The following INF2 variants were observed in gnomAD, a reference collection of about 807,000 sequenced individuals.
INF2 encodes inverted formin 2.
A neutral mutation model predicts 123.5 loss-of-function variants in INF2; 43 were observed. The ratio of observed to expected loss-of-function variants is 0.35; its 90% CI spans 0.27 to 0.45. The LOEUF is 0.45. INF2 is among the 20% of genes least tolerant of loss of function. INF2 has a pLI of 1.00. For missense variants in INF2, 1,453 were observed against 1,682.7 expected (o/e 0.86, Z 2.39); for synonymous variants, 851 against 745.0 (o/e 1.14, Z -2.32).
At chr14:104,702,979 C>T (rs1889599317) in intron 2 of INF2, 126 bp from the exon 3 acceptor site, 1 of 771,106 alleles carries the variant, frequency 1.3e-6, no homozygotes. Flanking sequence ...CTGTGGGCCA[C>T]AGACAAGTGC....
chr14:104,696,581 G>A (rs551595831), intron 1 of INF2, among the ~76,000 whole-genome samples: 1 of 152,342 alleles, frequency 6.6e-6, no homozygotes, highest in Non-Finnish European at 1.5e-5. Flanking sequence ...GAGTGTGAGG[G>A]AGGGGAATGG....
At chr14:104,698,873 C>T (rs1483887605) in intron 1 of INF2, among the ~76,000 whole-genome samples, 1 of 152,206 alleles carries the variant, frequency 6.6e-6, no homozygotes, top group African/African-American at 2.4e-5. Flanking sequence ...ACTCACTGCC[C>T]CCAGACAGCA....
At chr14:104,711,580 G>T in intron 15 of INF2, 49 bp from the exon 16 acceptor site, 2 of 1,530,428 alleles carry the variant, frequency 1.3e-6, no homozygotes. Context: ...GTCATCCCCA[G>T]GTGGAGAGTA....
intron 13 of INF2, chr14:104,710,582 AC>A (rs374329442): frequency 6.1e-5 from 30 of 489,112 alleles, no homozygotes; most frequent in African/African-American, 9.7e-5. Flanking sequence ...ACACGTACAC[AC>A]CCCCCCAACA....
At chr14:104,711,872 C>T (rs552084430) in intron 16 of INF2, among the ~76,000 whole-genome samples, 173 bp downstream of exon 16, 3 of 152,286 alleles carry the variant, frequency 2.0e-5, no homozygotes, top group Admixed American at 6.5e-5. Context: ...CCGGGTCTGC[C>T]GTGGCCTATC....
chr14:104,689,587 T>TGCGA, upstream of INF2: 1 of 851,066 alleles, frequency 1.2e-6, no homozygotes, highest in Non-Finnish European at 1.4e-6. Flanking sequence ...CACCTCCTCT[T>TGCGA]CCTCCCGCCC....
chr14:104,710,389 G>A (rs1204198101), intron 13 of INF2, among the ~76,000 whole-genome samples: 2 of 151,910 alleles, frequency 1.3e-5, no homozygotes, highest in Non-Finnish European at 2.9e-5. Flanking sequence ...ACAGACACAC[G>A]CATGCCCACC....
At chr14:104,697,893 G>T (rs1208416321) in intron 1 of INF2, among the ~76,000 whole-genome samples, 1 of 152,224 alleles carries the variant, frequency 6.6e-6, no homozygotes, top group African/African-American at 2.4e-5. Flanking sequence ...CTGCCGGGGG[G>T]GGTGGATGGG....
chr14:104,703,190 G>A lies in INF2; in HGVS notation c.477G>A (p.Val159=). The A allele has an allele frequency of 6.2e-7, 1 of 1,613,460 alleles. No individual in the cohort carries two copies. Among genetic ancestry groups the A allele is most frequent in the African/African-American group, 1.3e-5 (1 of 75,054 alleles). Reference sequence around the variant, plus strand: ...GCATCTACTCTCCCGAGGGCCACGTGCTGACCCTGGACGCCCTGGACCACT... The same window carrying A: ...GCATCTACTCTCCCGAGGGCCACGTACTGACCCTGGACGCCCTGGACCACT... ...ALCIYSPEGH[V]LTLDALDHYK... Residue 159 remains valine (V), a synonymous_variant, in exon 3 of 23, where the codon GTG becomes GTA. Coordinates refer to ENST00000392634, the MANE Select transcript of INF2 (RefSeq NM_022489.4).
At chr14:104,718,352 A>G (rs4247032) in intron 22 of INF2, among the ~76,000 whole-genome samples, 123,919 of 152,184 alleles carry the variant, frequency 0.81, 50,873 homozygotes, top group East Asian at 0.93. Context: ...CTGTTGGGGC[A>G]GGGCTGAGCG....
Position 104,714,316 on chromosome 14 carries a change from G to A in INF2, c.3154G>A (p.Ala1052Thr), listed in dbSNP as rs549518317. 47 of 1,590,066 alleles carry A rather than the reference G, an allele frequency of 3.0e-5. No individual in the cohort carries two copies. In the South Asian group the frequency reaches 3.2e-4, roughly 11 times the overall value. ...GTCCCGGGGCTGGGACCTTGTAGACGCCGTGACCCCCGGCCCTCAGCCCAC... is the reference window on the plus strand; with the variant it reads ...GTCCCGGGGCTGGGACCTTGTAGACACCGTGACCCCCGGCCCTCAGCCCAC... ...SESRGWDLVD[A>T]VTPGPQPTLE... The change falls in exon 21 of 23, where the codon GCC (alanine) becomes ACC (threonine). Residue 1052 changes from alanine (A) to threonine (T), a missense_variant. Ala to Thr is a moderately conservative substitution (Grantham distance 58). Around this residue, in one of 8 missense-constraint regions of INF2, gnomAD observed 344 missense variants for 333.1 expected, o/e 1.03. Coordinates refer to ENST00000392634, the MANE Select transcript of INF2 (RefSeq NM_022489.4).
rs1365636920 is a variant in INF2, at chr14:104,721,971, G to A, written c.*3178G>A. 2.0e-5 allele frequency: 3 copies of A among 152,326 alleles called. No homozygotes were observed. The highest frequency in any genetic ancestry group is 4.4e-5 in the Non-Finnish European group (3 of 68,090). 9.4% of individuals were successfully genotyped at this position (152,326 alleles called of 1,614,324 possible). ...ACTGTGTGCGATGGTCCCACTGGGA[G>A]GTGTGGCCCCCAAAGAGTGGAACCC... On this transcript the variant is annotated 3_prime_UTR_variant, in exon 23 of 23. Coordinates refer to ENST00000392634, the MANE Select transcript of INF2 (RefSeq NM_022489.4).
intron 5 of INF2, 112 bp from the exon 6 acceptor site, chr14:104,705,923 G>A: frequency 7.4e-7 from 1 of 1,353,140 alleles, no homozygotes; most frequent in Non-Finnish European, 1.0e-6. Context: ...GCCTGGCTCA[G>A]AGTCCCAGGT....
chr14:104,720,255 T>G lies in INF2; in HGVS notation c.*1462T>G, dbSNP rs1890498763. On this transcript the variant is annotated 3_prime_UTR_variant, in exon 23 of 23. Coordinates refer to ENST00000392634, the MANE Select transcript of INF2 (RefSeq NM_022489.4). Reference sequence around the variant, plus strand: ...TTGCATGCAGGGACCACATTTTGTTTGTCTGCTCTTCTGTCCATGGACATC... The same window carrying G: ...TTGCATGCAGGGACCACATTTTGTTGGTCTGCTCTTCTGTCCATGGACATC... The G allele has an allele frequency of 6.3e-6, 1 of 157,512 alleles. No homozygotes were observed. Among genetic ancestry groups the G allele is most frequent in the South Asian group, 1.8e-4 (1 of 5,668 alleles). The allele number at this position is 157,512 out of a possible 1,614,324, so 9.8% of individuals were successfully genotyped here.
At position 104,707,237 on chromosome 14, in the gene INF2, A is replaced by G; in HGVS notation, c.986-16A>G. ...CGGCTCCCTTCTCCCTTGACCCTGG[A>G]CATCCCCTACTGCAGCCCAGGAATG... On this transcript the variant is annotated splice_polypyrimidine_tract_variant and intron_variant, in intron 7 of 22. Transcript: ENST00000392634. 1 of 1,601,440 alleles carries G rather than the reference A, an allele frequency of 6.2e-7. No homozygotes were observed. Among genetic ancestry groups the G allele is most frequent in the Non-Finnish European group, 8.5e-7 (1 of 1,174,018 alleles).
chr14:104,710,938 C>T lies in INF2; in HGVS notation c.2241C>T (p.Ser747=). 1 of 1,612,256 alleles carries T rather than the reference C, an allele frequency of 6.2e-7. No homozygotes were observed. Among genetic ancestry groups the T allele is most frequent in the Non-Finnish European group, 8.5e-7 (1 of 1,179,674 alleles). Residue 747 remains serine (S), a splice_region_variant and synonymous_variant, in exon 14 of 23, where the codon AGC becomes AGT. Transcript: ENST00000392634. ...CTCCAGCCCTGGCTGCCCCTGCAGGCCTGCTCACCAGCCGCCAGCTGCCCA... is the reference window on the plus strand; with the variant it reads ...CTCCAGCCCTGGCTGCCCCTGCAGGTCTGCTCACCAGCCGCCAGCTGCCCA... ...KAQLVLAACE[S]LLTSRQLPIF...
chr14:104,719,986 A>G lies in INF2; in HGVS notation c.*1193A>G, dbSNP rs61998902. 18,586 of 152,550 alleles carry G rather than the reference A, an allele frequency of 0.12. 1,756 individuals are homozygous for G. The highest frequency in any genetic ancestry group is 0.46 in the East Asian group (2,387 of 5,152). The allele number at this position is 152,550 out of a possible 1,614,324, so 9.4% of individuals were successfully genotyped here. A position where few individuals can be genotyped will look rare whatever the true frequency, so the allele number is the denominator to read the frequency against. On this transcript the variant is annotated 3_prime_UTR_variant, in exon 23 of 23. Transcript: ENST00000392634. ...TGTGCTGCGGTGGTGTTTGCTCTCC[A>G]GCAGATCAAGTTTGTGCAATGATCC...
At chr14:104,681,463 A>C in exon 1 of INF2, 2 of 786,342 alleles carry the variant, frequency 2.5e-6, no homozygotes, top group Non-Finnish European at 3.8e-6. Flanking sequence ...GGCCTGATGT[A>C]GAAAGCACTC....
chr14:104,698,732 C>T (rs986109643), intron 1 of INF2, among the ~76,000 whole-genome samples: 2 of 151,904 alleles, frequency 1.3e-5, no homozygotes, highest in African/African-American at 4.8e-5. Flanking sequence ...TAGAGCCTGA[C>T]GGGGGGCCTG....
Sources: gnomAD v4.1 joint callset for allele counts (sites outside exome capture counted in the v4.1 genomes callset) on GRCh38, gnomAD v4.1.1 for gene constraint, gnomAD v4.1.1 regional missense constraint, MANE v1.5 for transcripts, NCBI Gene and HGNC (gene_info 2026-07-23, HGNC 2026-07-21) for gene names.